The following FHIT variants were observed in gnomAD, a reference collection of about 807,000 sequenced individuals.
The protein encoded by FHIT is bis(5'-adenosyl)-triphosphatase.
FHIT carries 19 observed loss-of-function variants against 17.9 expected under a neutral mutation model. The ratio of observed to expected loss-of-function variants is 1.06; its 90% CI spans 0.74 to 1.56. FHIT has a LOEUF of 1.56. FHIT is among the 40% of genes most tolerant of loss of function. The pLI, the probability that FHIT is intolerant of heterozygous loss-of-function variation, is 0.00. For missense variants in FHIT, 248 were observed against 189.2 expected (o/e 1.31, Z -1.82); for synonymous variants, 81 against 69.7 (o/e 1.16, Z -0.81).
intron 4 of FHIT, among the ~76,000 whole-genome samples, chr3:60,787,772 T>A (rs530773024): frequency 6.6e-6 from 1 of 152,340 alleles, no homozygotes; most frequent in African/African-American, 2.4e-5. Flanking sequence ...ACATGTACAT[T>A]CCCCAAGTGA....
At chr3:60,652,471 C>T (rs1192138422) in intron 4 of FHIT, among the ~76,000 whole-genome samples, 2 of 152,066 alleles carry the variant, frequency 1.3e-5, no homozygotes, top group Admixed American at 6.5e-5. Context: ...GGCGCGGTCA[C>T]GCCTGTAATC....
At chr3:61,094,444 T>A (rs952534381) in intron 2 of FHIT, among the ~76,000 whole-genome samples, 1 of 152,130 alleles carries the variant, frequency 6.6e-6, no homozygotes, top group African/African-American at 2.4e-5. Context: ...GCAATAAAAT[T>A]AGACAATTCC....
At position 60,559,098 on chromosome 3, in the gene FHIT, G is replaced by A. The variant is rs183035158; in HGVS notation, c.-17-22119C>T. 4.0e-4 allele frequency among the ~76,000 whole-genome samples: 61 copies of A among 152,272 alleles called. 1 individual carries two copies. Among genetic ancestry groups the A allele is most frequent in the African/African-American group, 1.3e-3 (56 of 41,554 alleles). ...CTTCCAACTTCCATGGGAACATTCTGATTGTGATATAATTTTTAAATTAGC... is the reference window on the plus strand; with the variant it reads ...CTTCCAACTTCCATGGGAACATTCTAATTGTGATATAATTTTTAAATTAGC... On this transcript the variant is annotated intron_variant, in intron 4 of 9. Coordinates refer to ENST00000492590, the MANE Select transcript of FHIT (RefSeq NM_002012.4).
At chr3:60,589,745 T>C (rs1239492183) in intron 4 of FHIT, among the ~76,000 whole-genome samples, 1 of 152,056 alleles carries the variant, frequency 6.6e-6, no homozygotes, top group Non-Finnish European at 1.5e-5. Flanking sequence ...ACTACTTGTT[T>C]CCCCCACACC....
intron 4 of FHIT, among the ~76,000 whole-genome samples, chr3:60,723,320 C>T (rs2041850009): frequency 6.6e-6 from 1 of 152,108 alleles, no homozygotes; most frequent in South Asian, 2.1e-4. Context: ...CAATGTTGGC[C>T]TTTGGTTAGC....
chr3:60,115,279 A>G (rs1373806675), intron 5 of FHIT, among the ~76,000 whole-genome samples: 1 of 152,178 alleles, frequency 6.6e-6, no homozygotes, highest in Non-Finnish European at 1.5e-5. Context: ...AAAGACGAAG[A>G]GCTAACATCT....
intron 1 of FHIT, among the ~76,000 whole-genome samples, chr3:61,217,717 C>G (rs910611247): frequency 3.3e-5 from 5 of 152,172 alleles, no homozygotes; most frequent in African/African-American, 1.2e-4. Flanking sequence ...AAAATACAAT[C>G]TGCCACAACA....
At chr3:60,007,535 C>T (rs1699972131) in intron 7 of FHIT, among the ~76,000 whole-genome samples, 1 of 152,148 alleles carries the variant, frequency 6.6e-6, no homozygotes, top group Admixed American at 6.6e-5. Flanking sequence ...AGAAAATAAA[C>T]CGGAGAAAAA....
chr3:60,169,733 G>A (rs549237197), intron 5 of FHIT, among the ~76,000 whole-genome samples: 1 of 152,162 alleles, frequency 6.6e-6, no homozygotes, highest in South Asian at 2.1e-4. Context: ...GAGAAACCAG[G>A]TTCCCTGGTG....
At chr3:60,566,948 A>C (rs6766427) in intron 4 of FHIT, among the ~76,000 whole-genome samples, 7 of 135,714 alleles carry the variant, frequency 5.2e-5, no homozygotes, top group Non-Finnish European at 7.9e-5. Flanking sequence ...CACTGCTCAA[A>C]GAAATAAAAG....
At chr3:61,121,465 A>G (rs924525591) in intron 2 of FHIT, among the ~76,000 whole-genome samples, 1 of 152,208 alleles carries the variant, frequency 6.6e-6, no homozygotes, top group African/African-American at 2.4e-5. Flanking sequence ...TTTTCTACCC[A>G]GAATTTCATA....
At chr3:60,426,537 T>G (rs1326201286) in intron 5 of FHIT, among the ~76,000 whole-genome samples, 1 of 152,162 alleles carries the variant, frequency 6.6e-6, no homozygotes, top group Non-Finnish European at 1.5e-5. Flanking sequence ...TATTTATCAC[T>G]GCTCACATTC....
At chr3:60,741,654 G>T (rs782698768) in intron 4 of FHIT, among the ~76,000 whole-genome samples, 15 of 152,296 alleles carry the variant, frequency 9.8e-5, no homozygotes, top group Non-Finnish European at 1.9e-4. Flanking sequence ...ACTTTTGCCT[G>T]TGGTCACTTT....
intron 7 of FHIT, among the ~76,000 whole-genome samples, chr3:59,959,609 C>A (rs1707570099): frequency 6.6e-6 from 1 of 152,206 alleles, no homozygotes; most frequent in Non-Finnish European, 1.5e-5. Flanking sequence ...TCTCTCCACT[C>A]AGTCACTGTG....
chr3:60,208,796 C>A (rs112329392), intron 5 of FHIT, among the ~76,000 whole-genome samples: 25 of 152,220 alleles, frequency 1.6e-4, no homozygotes, highest in African/African-American at 5.5e-4. Flanking sequence ...AAATTTTAGA[C>A]CTTTTTTGTA....
At chr3:59,911,659 G>C (rs915925204) in intron 8 of FHIT, among the ~76,000 whole-genome samples, 8 of 152,096 alleles carry the variant, frequency 5.3e-5, no homozygotes, top group Non-Finnish European at 8.8e-5. Context: ...AAATACCTTG[G>C]CATCTCAGGA....
intron 8 of FHIT, among the ~76,000 whole-genome samples, chr3:59,780,441 A>G (rs780345): frequency 0.88 from 133,674 of 152,204 alleles, 59,731 homozygotes; most frequent in Non-Finnish European, 0.97. Context: ...ATGTACAGGA[A>G]TGAATCAGGA....
rs11425787 is a variant in FHIT, at chr3:60,701,123, CT to C, written c.-18+120795del. 4.1e-3 allele frequency among the ~76,000 whole-genome samples: 543 copies of C among 132,576 alleles called. 2 individuals carry two copies. Among genetic ancestry groups the C allele is most frequent in the East Asian group, 0.014 (64 of 4,654 alleles). The allele number at this position is 132,576 out of a possible 152,430, so 87.0% of individuals were successfully genotyped here. ...ATTTCCCAACTGAACTGAAAAGACCCTTTTTTTTTTTTTTTTTTAAGACAGG... is the reference window on the plus strand; with the variant it reads ...ATTTCCCAACTGAACTGAAAAGACCCTTTTTTTTTTTTTTTTTAAGACAGG... On this transcript the variant is annotated intron_variant, in intron 4 of 9. Coordinates refer to ENST00000492590, the MANE Select transcript of FHIT (RefSeq NM_002012.4).
At chr3:60,800,483 G>A (rs1701149119) in intron 4 of FHIT, among the ~76,000 whole-genome samples, 1 of 152,114 alleles carries the variant, frequency 6.6e-6, no homozygotes, top group African/African-American at 2.4e-5. Flanking sequence ...CAGGAAAGCA[G>A]ACCCTAAACA....
Sources: gnomAD v4.1 joint callset for allele counts (sites outside exome capture counted in the v4.1 genomes callset) on GRCh38, gnomAD v4.1.1 for gene constraint, MANE v1.5 for transcripts, NCBI Gene and HGNC (gene_info 2026-07-23, HGNC 2026-07-21) for gene names.